Variants in ENPP6 observed in about 807,000 individuals in gnomAD.
The protein encoded by ENPP6 is ectonucleotide pyrophosphatase/phosphodiesterase 6.
ENPP6 carries 32 observed loss-of-function variants against 42.0 expected under a neutral mutation model. That is an observed-to-expected ratio of 0.76 (90% CI 0.58 to 1.02). The LOEUF is 1.02. ENPP6 is among the 50% of genes least tolerant of loss of function. The pLI, the probability that ENPP6 is intolerant of heterozygous loss-of-function variation, is 0.00. For synonymous variants in ENPP6, 213 were observed against 216.0 expected (o/e 0.99, Z 0.12); for missense variants, 552 against 566.8 (o/e 0.97, Z 0.27).
rs192741990 is a variant in ENPP6, at chr4:184,148,415, T to A, written c.421+5139A>T. 9.3e-4 allele frequency among the ~76,000 whole-genome samples: 142 copies of A among 152,350 alleles called. 1 individual carries two copies. The highest frequency in any genetic ancestry group is 3.2e-3 in the African/African-American group (135 of 41,586). On this transcript the variant is annotated intron_variant, in intron 2 of 7. Transcript: ENST00000296741. ...CCATCCTGCAAAGGGAGATTGGATG[T>A]GGTTAGACAGCTATAAAAACTTTTG...
At chr4:184,118,296 G>A (rs1307759919) in intron 3 of ENPP6, among the ~76,000 whole-genome samples, 1 of 152,200 alleles carries the variant, frequency 6.6e-6, no homozygotes, top group African/African-American at 2.4e-5. Flanking sequence ...TACATGTAGG[G>A]AAAAATCCGA....
chr4:184,096,438 G>A (rs1735902807), intron 7 of ENPP6, among the ~76,000 whole-genome samples: 1 of 152,168 alleles, frequency 6.6e-6, no homozygotes, highest in Non-Finnish European at 1.5e-5. Flanking sequence ...TAAGAAAGAA[G>A]GATAGCTCAT....
chr4:184,108,293 C>G (rs757285061), intron 6 of ENPP6, among the ~76,000 whole-genome samples: 7 of 152,318 alleles, frequency 4.6e-5, no homozygotes, highest in Middle Eastern at 3.4e-3. Context: ...GAGAGTCTTG[C>G]CATGCCACAG....
intron 6 of ENPP6, among the ~76,000 whole-genome samples, chr4:184,108,983 G>A (rs1342165126): frequency 6.6e-6 from 1 of 152,224 alleles, no homozygotes; most frequent in Non-Finnish European, 1.5e-5. Context: ...GGCCAAGGCG[G>A]GCAGATCACT....
intron 3 of ENPP6, among the ~76,000 whole-genome samples, chr4:184,122,404 A>ACACCACCACAC (rs1553995544): frequency 2.1e-5 from 3 of 140,886 alleles, no homozygotes; most frequent in Admixed American, 1.4e-4. Context: ...ACACACTCAT[A>ACACCACCACAC]CACCACCACC....
rs1485254636 is a variant in ENPP6, at chr4:184,184,808, G to A, written c.242-31075C>T. ...GTCATAGAACAGATTCTCCCTCGGAGCACCGAGAAGGCAAAACCCTTGATT... is the reference window on the plus strand; with the variant it reads ...GTCATAGAACAGATTCTCCCTCGGAACACCGAGAAGGCAAAACCCTTGATT... On this transcript the variant is annotated intron_variant, in intron 1 of 7. Transcript: ENST00000296741. The surrounding 1 kb of genome is among the most constrained non-coding windows in gnomAD (Gnocchi z 4.7). Among the ~76,000 whole-genome samples the A allele has an allele frequency of 1.3e-5, 2 of 152,132 alleles. No homozygotes were observed. The highest frequency in any genetic ancestry group is 1.9e-4 in the East Asian group (1 of 5,202).
At chr4:184,130,560 ACAAAAC>A (rs1319962464) in intron 2 of ENPP6, among the ~76,000 whole-genome samples, 2 of 115,082 alleles carry the variant, frequency 1.7e-5, no homozygotes, top group East Asian at 2.3e-4. Flanking sequence ...TCCAAATCAA[ACAAAAC>A]AAAACAAAAA....
chr4:184,216,434 G>C (rs1733196931), intron 1 of ENPP6: 1 of 152,050 alleles, frequency 6.6e-6, no homozygotes, highest in Non-Finnish European at 1.5e-5. Context: ...ATCAGTTTAT[G>C]GCATTTTTCC....
intron 6 of ENPP6, among the ~76,000 whole-genome samples, chr4:184,110,148 GC>G (rs1736176069): frequency 6.6e-6 from 1 of 152,204 alleles, no homozygotes; most frequent in Admixed American, 6.5e-5. Flanking sequence ...TGCAGAGGCT[GC>G]CGTTTGTTCT....
At chr4:184,210,756 C>G (rs1733096646) in intron 1 of ENPP6, among the ~76,000 whole-genome samples, 1 of 151,622 alleles carries the variant, frequency 6.6e-6, no homozygotes, top group Non-Finnish European at 1.5e-5. Flanking sequence ...ATCTACGGAA[C>G]TCTCCACCCC....
chr4:184,095,431 A>G (rs6847577), intron 7 of ENPP6, among the ~76,000 whole-genome samples: 63,775 of 151,758 alleles, frequency 0.42, 13,732 homozygotes, highest in East Asian at 0.62. Context: ...AGGCTGAGAC[A>G]GGCAGATCAC....
chr4:184,134,773 A>G (rs191056783), intron 2 of ENPP6, among the ~76,000 whole-genome samples: 2 of 150,984 alleles, frequency 1.3e-5, no homozygotes, highest in African/African-American at 4.9e-5. Flanking sequence ...ATTTGGGGAT[A>G]ATTAAATTTG....
intron 1 of ENPP6, among the ~76,000 whole-genome samples, chr4:184,171,315 A>G (rs962180583): frequency 2.0e-5 from 3 of 152,220 alleles, no homozygotes; most frequent in East Asian, 1.9e-4. Context: ...CATGGTGACC[A>G]TGCTCCAGGC....
intron 2 of ENPP6, among the ~76,000 whole-genome samples, chr4:184,153,304 A>G (rs1737089149): frequency 6.6e-6 from 1 of 152,004 alleles, no homozygotes; most frequent in Non-Finnish European, 1.5e-5. Context: ...TTGTATTTTT[A>G]GTAGAGACAG....
At chr4:184,207,890 G>A (rs1056901574) in intron 1 of ENPP6, among the ~76,000 whole-genome samples, 18 of 152,188 alleles carry the variant, frequency 1.2e-4, no homozygotes, top group African/African-American at 3.6e-4. Flanking sequence ...CCTCTCCACC[G>A]CCTGCGAGGG....
At chr4:184,111,517 G>A (rs950262983) in intron 6 of ENPP6, among the ~76,000 whole-genome samples, 1 of 152,146 alleles carries the variant, frequency 6.6e-6, no homozygotes, top group African/African-American at 2.4e-5. Flanking sequence ...ATGAAGTGAT[G>A]AGAAGCATTT....
In ENPP6 at chr4:184,089,194, T is replaced by C. The variant is rs1452345016; in HGVS notation, c.*1983A>G. 2.0e-5 allele frequency: 3 copies of C among 152,226 alleles called. No individual in the cohort carries two copies. In the South Asian group the frequency reaches 6.2e-4, roughly 32 times the overall value. The allele number at this position is 152,226 out of a possible 1,614,324, so 9.4% of individuals were successfully genotyped here. On this transcript the variant is annotated 3_prime_UTR_variant, in exon 8 of 8. Coordinates refer to ENST00000296741, the MANE Select transcript of ENPP6 (RefSeq NM_153343.4). ...GTTGCCTTCTTTCCAATTGATCCGATGGTTTACTGGCGCTTTTAAAACACA... is the reference window on the plus strand; with the variant it reads ...GTTGCCTTCTTTCCAATTGATCCGACGGTTTACTGGCGCTTTTAAAACACA...
intron 2 of ENPP6, among the ~76,000 whole-genome samples, chr4:184,141,927 C>T (rs1038629572): frequency 2.6e-5 from 4 of 152,132 alleles, no homozygotes; most frequent in African/African-American, 7.2e-5. Flanking sequence ...GTCTACAATA[C>T]GGACGATGCC....
At chr4:184,206,599 C>G (rs966777090) in intron 1 of ENPP6, among the ~76,000 whole-genome samples, 4 of 152,064 alleles carry the variant, frequency 2.6e-5, no homozygotes, top group African/African-American at 9.7e-5. Context: ...TGGGCTCTCT[C>G]GAAACACGAT....
Sources: allele counts gnomAD v4.1 joint callset (sites outside exome capture counted in the v4.1 genomes callset), GRCh38; gene constraint gnomAD v4.1.1; non-coding constraint Gnocchi (gnomAD v3.1); transcripts MANE v1.5; gene names NCBI Gene and HGNC (gene_info 2026-07-23, HGNC 2026-07-21).